The following ERICH5 variants were observed in gnomAD, a reference collection of about 807,000 sequenced individuals.
ERICH5 encodes glutamate rich 5.
ERICH5 carries 24 observed loss-of-function variants against 28.0 expected under a neutral mutation model. That is an observed-to-expected ratio of 0.86 (90% CI 0.62 to 1.21). The LOEUF is 1.21. Ranked by LOEUF, ERICH5 falls within the 50% of genes most tolerant of loss-of-function variation. ERICH5 has a pLI of 0.00. For synonymous variants in ERICH5, 163 were observed against 157.6 expected (o/e 1.03, Z -0.25); for missense variants, 421 against 441.2 (o/e 0.95, Z 0.41).
intron 2 of ERICH5, among the ~76,000 whole-genome samples, chr8:98,091,913 C>CTTTCT (rs1554621740): frequency 1.5e-4 from 12 of 80,338 alleles, no homozygotes; most frequent in African/African-American, 6.1e-4. Context: ...TTCTTTCTTT[C>CTTTCT]TTTCTTCCTT....
chr8:98,079,593 G>T (rs1209953086), intron 1 of ERICH5, among the ~76,000 whole-genome samples: 1 of 152,206 alleles, frequency 6.6e-6, no homozygotes, highest in East Asian at 1.9e-4. Context: ...AGGCTGGAGT[G>T]CAGTGGCGCA....
In ERICH5 at chr8:98,089,819, C is replaced by A; in HGVS notation, c.802C>A (p.Pro268Thr). ...AAGAATTCCCAAAGAGAATGTAACA[C>A]CAGAAGTATTGGACAGAAGTCAGCT... ...LERIPKENVTPEVLDRSQLVE... is the reference protein window; with the variant it reads ...LERIPKENVTTEVLDRSQLVE... Residue 268 changes from proline to threonine, a missense_variant, in exon 2 of 3, where the codon CCA (proline) becomes ACA (threonine). By Grantham distance (38) the Pro-to-Thr change is conservative (BLOSUM62 -1). Transcript: ENST00000318528. The A allele has an allele frequency of 6.2e-7, 1 of 1,614,136 alleles. No homozygotes were observed.
At chr8:98,079,616 T>C (rs756749797) in intron 1 of ERICH5, among the ~76,000 whole-genome samples, 4 of 152,242 alleles carry the variant, frequency 2.6e-5, no homozygotes, top group Non-Finnish European at 5.9e-5. Context: ...CTTGGCTCAC[T>C]GCAACCTCCG....
At chr8:98,092,337 AT>A (rs1264842099) in intron 2 of ERICH5, among the ~76,000 whole-genome samples, 1 of 151,760 alleles carries the variant, frequency 6.6e-6, no homozygotes, top group African/African-American at 2.4e-5. Context: ...TAATTTTTGT[AT>A]TTTTTGTAGA....
At chr8:98,086,950 CAAA>C (rs35907854) in intron 1 of ERICH5, among the ~76,000 whole-genome samples, 9 of 86,222 alleles carry the variant, frequency 1.0e-4, no homozygotes, top group Admixed American at 2.5e-4. Context: ...GACTCCGTCT[CAAA>C]AAAAAAAAAA....
intron 1 of ERICH5, among the ~76,000 whole-genome samples, chr8:98,081,600 A>G (rs1263271174): frequency 6.6e-6 from 1 of 152,188 alleles, no homozygotes; most frequent in Non-Finnish European, 1.5e-5. Flanking sequence ...ACTGAGGCAG[A>G]GAGAGGCTAG....
At chr8:98,092,027 C>T (rs923773923) in intron 2 of ERICH5, among the ~76,000 whole-genome samples, 1 of 145,116 alleles carries the variant, frequency 6.9e-6, no homozygotes, top group Non-Finnish European at 1.5e-5. Context: ...TCCTTCCTTT[C>T]GAGACAAGAT....
chr8:98,081,397 C>T (rs1302560579), intron 1 of ERICH5, among the ~76,000 whole-genome samples: 1 of 152,204 alleles, frequency 6.6e-6, no homozygotes, highest in African/African-American at 2.4e-5. Flanking sequence ...TGAGCCACCA[C>T]ACCCAGACAC....
In ERICH5 at chr8:98,064,600, A is replaced by C. The variant is rs1426757779; in HGVS notation, c.-70A>C. 4 of 1,339,016 alleles carry C rather than the reference A, an allele frequency of 3.0e-6. No individual in the cohort carries two copies. The highest frequency in any genetic ancestry group is 4.0e-6 in the Non-Finnish European group (4 of 992,314). The allele number at this position is 1,339,016 out of a possible 1,614,324, so 82.9% of individuals were successfully genotyped here. On this transcript the variant is annotated 5_prime_UTR_variant, in exon 1 of 3. Transcript: ENST00000318528. ...GAGAAACTTCCGCGGCTACGGGTGC[A>C]GTTGCCTTCGGTTCCCGGTTCCGGG...
intron 1 of ERICH5, among the ~76,000 whole-genome samples, chr8:98,065,448 G>A (rs970192539): frequency 3.9e-5 from 6 of 152,206 alleles, no homozygotes; most frequent in African/African-American, 1.2e-4. Context: ...TCTTGCTGAA[G>A]AAACTCAACA....
rs2306129 is a variant in ERICH5, at chr8:98,093,498, T to C, written c.*165T>C. On this transcript the variant is annotated 3_prime_UTR_variant, in exon 3 of 3. Transcript: ENST00000318528. ...AGAAGGATGTTTCTGTGTTCTTGATTATATTGTTCTGCAAAACTGCTAAGC... is the reference window on the plus strand; with the variant it reads ...AGAAGGATGTTTCTGTGTTCTTGATCATATTGTTCTGCAAAACTGCTAAGC... 205,612 of 481,198 alleles carry C rather than the reference T, an allele frequency of 0.43. 44,775 individuals are homozygous for C. Among genetic ancestry groups the C allele is most frequent in the East Asian group, 0.51 (15,461 of 30,606 alleles). 29.8% of individuals were successfully genotyped at this position (481,198 alleles called of 1,614,324 possible).
chr8:98,091,900 C>CTTTCTTTCTTTTCTTT, intron 2 of ERICH5, among the ~76,000 whole-genome samples: 860 of 74,700 alleles, frequency 0.012, 23 homozygotes, highest in East Asian at 0.042. Context: ...TTCTTTCTTT[C>CTTTCTTTCTTTTCTTT]CTTTCTTTCT....
In ERICH5 at chr8:98,089,870, C is replaced by T. The variant is rs1167461070; in HGVS notation, c.853C>T (p.Pro285Ser). The T allele has an allele frequency of 3.7e-6, 6 of 1,614,024 alleles. No homozygotes were observed. Among genetic ancestry groups the T allele is most frequent in the Non-Finnish European group, 5.1e-6 (6 of 1,180,042 alleles). ...TGTGGAAAAGCCTGTTATGAATGAT[C>T]CATTCCATAAAACTCCTGAAGGTCC... ...QLVEKPVMND[P>S]FHKTPEGPGN... Residue 285 changes from proline to serine, a missense_variant, in exon 2 of 3, where the codon CCA becomes TCA. Coordinates refer to ENST00000318528, the MANE Select transcript of ERICH5 (RefSeq NM_173549.3).
At chr8:98,071,433 T>G (rs1471023910) in intron 1 of ERICH5, among the ~76,000 whole-genome samples, 1 of 152,210 alleles carries the variant, frequency 6.6e-6, no homozygotes, top group Admixed American at 6.5e-5. Context: ...TGATAAAAAC[T>G]TGATGAGGCT....
Position 98,089,875 on chromosome 8 carries a change from C to T in ERICH5, c.858C>T (p.Phe286=), listed in dbSNP as rs1384542792. 1 of 1,614,142 alleles carries T rather than the reference C, an allele frequency of 6.2e-7. No individual in the cohort carries two copies. Among genetic ancestry groups the T allele is most frequent in the East Asian group, 2.2e-5 (1 of 44,882 alleles). The stretch of plus-strand genomic sequence containing the variant: ...AAAAGCCTGTTATGAATGATCCATT[C>T]CATAAAACTCCTGAAGGTCCAGGAA... The part of the protein sequence containing the change: ...LVEKPVMNDP[F]HKTPEGPGNM... Residue 286 remains phenylalanine (F), a synonymous_variant, in exon 2 of 3, where the codon TTC becomes TTT. Coordinates refer to ENST00000318528, the MANE Select transcript of ERICH5 (RefSeq NM_173549.3).
At chr8:98,071,341 C>T (rs953859853) in intron 1 of ERICH5, among the ~76,000 whole-genome samples, 1 of 152,152 alleles carries the variant, frequency 6.6e-6, no homozygotes, top group African/African-American at 2.4e-5. Context: ...TGTACAGTTT[C>T]ACTTCTATGT....
chr8:98,067,550 G>A (rs1251072308), intron 1 of ERICH5, among the ~76,000 whole-genome samples: 4 of 151,358 alleles, frequency 2.6e-5, no homozygotes, highest in African/African-American at 9.7e-5. Context: ...TCCCCATTAG[G>A]TGTGTGGTCA....
chr8:98,067,511 A>C (rs7007219), intron 1 of ERICH5, among the ~76,000 whole-genome samples: 9,526 of 152,040 alleles, frequency 0.063, 955 homozygotes, highest in African/African-American at 0.21. Context: ...ACTAGATTTA[A>C]ATCTGTTTTT....
intron 1 of ERICH5, 27 bp from the exon 2 acceptor site, chr8:98,089,049 T>C: frequency 6.5e-7 from 1 of 1,527,370 alleles, no homozygotes; most frequent in African/African-American, 1.4e-5. Flanking sequence ...TCTCTTTTCT[T>C]TTTCTTTTTC....
Sources: allele counts gnomAD v4.1 joint callset (sites outside exome capture counted in the v4.1 genomes callset), GRCh38; gene constraint gnomAD v4.1.1; transcripts MANE v1.5; gene names NCBI Gene and HGNC (gene_info 2026-07-23, HGNC 2026-07-21).